The following MRPS2 variants were observed in gnomAD, a reference collection of about 807,000 sequenced individuals.
MRPS2 encodes the protein mitochondrial ribosomal protein S2.
In MRPS2, 13 loss-of-function variants were observed where a neutral mutation model predicts 18.9. The observed-to-expected ratio is 0.69, with a 90% CI of 0.45 to 1.09. The LOEUF is 1.09. Ranked by LOEUF, MRPS2 falls within the 50% of genes least tolerant of loss-of-function variation. MRPS2 has a pLI of 0.00. For synonymous variants in MRPS2, 186 were observed against 178.4 expected, an observed-to-expected ratio of 1.04 and a Z score of -0.34; for missense variants, 389 against 421.7, an observed-to-expected ratio of 0.92 and a Z score of 0.68.
chr9:135,500,103 CA>C, upstream of MRPS2: 1 of 502,432 alleles, frequency 2.0e-6, no homozygotes, highest in Non-Finnish European at 3.5e-6. Flanking sequence ...CGGGCCACCC[CA>C]GCATCAGGGC....
At chr9:135,503,297 C>T (rs781720891) in intron 3 of MRPS2, 34 of 1,393,280 alleles carry the variant, frequency 2.4e-5, no homozygotes, top group Non-Finnish European at 3.0e-5. Flanking sequence ...TATTAGGATT[C>T]CTTCGGGAAG....
intron 3 of MRPS2, 181 bp downstream of exon 3, chr9:135,502,154 A>T (rs757149096): frequency 7.1e-7 from 1 of 1,405,324 alleles, no homozygotes; most frequent in African/African-American, 1.5e-5. Context: ...AGCTTGGCGG[A>T]CGCTCTTGTG....
intron 2 of MRPS2, chr9:135,501,392 C>T (rs1465247858): frequency 3.4e-5 from 44 of 1,284,276 alleles, no homozygotes; most frequent in Admixed American, 7.5e-5. Flanking sequence ...GTCACTGGAC[C>T]ACCGAGGCCC....
chr9:135,503,681 C>T lies in MRPS2; in HGVS notation c.439C>T (p.Arg147Cys), dbSNP rs1334381259. ...YRKGIILFISRNRQFSYLIEN... is the reference protein window; with the variant it reads ...YRKGIILFISCNRQFSYLIEN... ...CAAGGGCATCATCTTGTTTATAAGC[C>T]GCAACCGGCAGTTCTCGTACCTGAT... is the stretch of plus-strand genomic sequence containing the variant. Residue 147 changes from arginine (R) to cysteine (C), a missense_variant, in exon 4 of 4, where the codon CGC becomes TGC. Coordinates refer to ENST00000241600, the MANE Select transcript of MRPS2 (RefSeq NM_016034.5). 5 of 1,613,682 alleles carry T rather than the reference C, an allele frequency of 3.1e-6. No homozygotes were observed. Among genetic ancestry groups the T allele is most frequent in the Non-Finnish European group, 3.4e-6 (4 of 1,180,052 alleles).
intron 3 of MRPS2, chr9:135,502,204 C>T (rs1246898467): frequency 1.1e-5 from 15 of 1,352,126 alleles, no homozygotes; most frequent in Non-Finnish European, 1.3e-5. Context: ...TAGGGCAGGC[C>T]TGCTGGGGGT....
chr9:135,500,861 C>T (rs1831095829), intron 1 of MRPS2, 108 bp downstream of exon 1: 4 of 1,508,768 alleles, frequency 2.7e-6, no homozygotes, highest in Non-Finnish European at 2.7e-6. Context: ...GGGGCGAGCG[C>T]GGAGGGGACT....
chr9:135,500,014 A>G, upstream of MRPS2: 1 of 818,012 alleles, frequency 1.2e-6, no homozygotes, highest in Non-Finnish European at 1.8e-6. Context: ...AAGGGCCGGG[A>G]AGGTCGGGAC....
chr9:135,504,010 C>T lies in MRPS2; in HGVS notation c.768C>T (p.Ala256=). 1.1e-5 allele frequency: 18 copies of T among 1,613,498 alleles called. No homozygotes were observed. The highest frequency in any genetic ancestry group is 1.5e-5 in the Non-Finnish European group (18 of 1,180,036). The change falls in exon 4 of 4, where the codon GCC becomes GCT. Residue 256 remains alanine (A), a synonymous_variant. Transcript: ENST00000241600. This position sits in a 1 kb window ranked among gnomAD's most constrained non-coding sequence, Gnocchi z 4.3. ...VHLYCRLFQT[A]ITRAKEKRQQ... ...TCTACTGCAGGCTCTTCCAGACGGCCATCACCCGGGCCAAGGAGAAGCGGC... is the reference window on the plus strand; with the variant it reads ...TCTACTGCAGGCTCTTCCAGACGGCTATCACCCGGGCCAAGGAGAAGCGGC...
At position 135,503,726 on chromosome 9, in the gene MRPS2, T is replaced by C; in HGVS notation, c.484T>C (p.Cys162Arg). Residue 162 changes from cysteine to arginine, a missense_variant, in exon 4 of 4, where the codon TGT (cysteine) becomes CGT (arginine). Cys to Arg is a radical substitution (Grantham distance 180, BLOSUM62 -3). Coordinates refer to ENST00000241600, the MANE Select transcript of MRPS2 (RefSeq NM_016034.5). ...CCTGATTGAGAACATGGCCCGTGAC[T>C]GTGGCGAGTACGCCCACACTCGCTA... is the stretch of plus-strand genomic sequence containing the variant. ...SYLIENMARD[C>R]GEYAHTRYFR... 1 of 1,613,396 alleles carries C rather than the reference T, an allele frequency of 6.2e-7. No homozygotes were observed. Among genetic ancestry groups the C allele is most frequent in the Non-Finnish European group, 8.5e-7 (1 of 1,180,018 alleles).
upstream of MRPS2, chr9:135,500,121 T>C (rs965449135): frequency 6.5e-6 from 3 of 459,288 alleles, no homozygotes; most frequent in South Asian, 1.0e-4. Flanking sequence ...GGGCGTGGAC[T>C]CCCGGGCGAA....
chr9:135,502,027 C>T, intron 3 of MRPS2, 54 bp downstream of exon 3: 1 of 1,610,598 alleles, frequency 6.2e-7, no homozygotes, highest in East Asian at 2.2e-5. Context: ...AACCTGGGAC[C>T]TGCTCTGGTT....
intron 2 of MRPS2, 168 bp downstream of exon 2, chr9:135,501,291 A>G (rs1344279675): frequency 1.4e-6 from 2 of 1,422,892 alleles, no homozygotes; most frequent in South Asian, 1.5e-5. Context: ...CTGACGTAGC[A>G]CAGCGGGCTG....
rs1374686652 is a variant in MRPS2 at position 135,500,715 on chromosome 9, C to T, written c.5C>T (p.Ala2Val). Residue 2 changes from alanine to valine, a missense_variant, in exon 1 of 4, where the codon GCG becomes GTG. Coordinates refer to ENST00000241600, the MANE Select transcript of MRPS2 (RefSeq NM_016034.5). The part of the protein sequence containing the change: M[A>V]TSSAALPRIL... ...GCTCTGCCCCGCGTCCCAGCCATGG[C>T]GACATCCTCGGCCGCGCTGCCCCGA... The T allele has an allele frequency of 2.7e-6, 4 of 1,478,684 alleles. No individual in the cohort carries two copies. The highest frequency in any genetic ancestry group is 5.3e-5 in the East Asian group (2 of 37,544). The allele number at this position is 1,478,684 out of a possible 1,614,324, so 91.6% of individuals were successfully genotyped here.
chr9:135,503,114 T>C (rs1831189487), intron 3 of MRPS2: 2 of 1,028,042 alleles, frequency 1.9e-6, no homozygotes, highest in African/African-American at 1.7e-5. Context: ...CCTGCCCTGA[T>C]CCCTTAATGC....
In MRPS2 at chr9:135,504,183, G is replaced by A. The variant is rs1332087364; in HGVS notation, c.*50G>A. ...CCACAGCCAAGCCTGTCTGAGCTGG[G>A]AGTCCCCTTCCCCAGCCCTGGGTCA... On this transcript the variant is annotated 3_prime_UTR_variant, in exon 4 of 4. Coordinates refer to ENST00000241600, the MANE Select transcript of MRPS2 (RefSeq NM_016034.5). The surrounding 1 kb of genome is among the most constrained non-coding windows in gnomAD (Gnocchi z 4.3). 1 of 1,478,718 alleles carries A rather than the reference G, an allele frequency of 6.8e-7. No individual in the cohort carries two copies. Among genetic ancestry groups the A allele is most frequent in the South Asian group, 1.3e-5 (1 of 74,840 alleles). The allele number at this position is 1,478,718 out of a possible 1,614,324, so 91.6% of individuals were successfully genotyped here. A position where few individuals can be genotyped will look rare whatever the true frequency, so the allele number is the denominator to read the frequency against.
chr9:135,503,240 C>T (rs758508354), intron 3 of MRPS2: 1 of 1,241,906 alleles, frequency 8.1e-7, no homozygotes, highest in Non-Finnish European at 1.0e-6. Context: ...GCAGAATGTC[C>T]TTTTGGCGTC....
At chr9:135,503,453 CCCT>C in intron 3 of MRPS2, 86 bp from the exon 4 acceptor site, 2 of 1,431,954 alleles carry the variant, frequency 1.4e-6, no homozygotes, top group Non-Finnish European at 1.9e-6. Context: ...GCCCGGGAGT[CCCT>C]GGTGGGCGTC....
At position 135,501,852 on chromosome 9, in the gene MRPS2, G is replaced by A. The variant is rs1831151252; in HGVS notation, c.178G>A (p.Asp60Asn). ...CCTCCTCCCTGCCGTAGATTTCAAC[G>A]ACAAGATTTTGAATGAGCCCCTCAA... ...RESEDSTDFN[D>N]KILNEPLKHS... The change falls in exon 3 of 4, where the codon GAC becomes AAC. Residue 60 changes from aspartate to asparagine, a missense_variant. Transcript: ENST00000241600. 6.2e-7 allele frequency: 1 copy of A among 1,613,540 alleles called. No homozygotes were observed. Among genetic ancestry groups the A allele is most frequent in the Non-Finnish European group, 8.5e-7 (1 of 1,179,886 alleles).
At chr9:135,501,579 C>T (rs1831136961) in intron 2 of MRPS2, 2 of 1,168,328 alleles carry the variant, frequency 1.7e-6, no homozygotes, top group Admixed American at 3.7e-5. Flanking sequence ...TCTCCTCTGT[C>T]TTCCAAGTAA....
Sources: allele counts gnomAD v4.1 joint callset, GRCh38; gene constraint gnomAD v4.1.1; non-coding constraint Gnocchi (gnomAD v3.1); transcripts MANE v1.5; gene names NCBI Gene and HGNC (gene_info 2026-07-23, HGNC 2026-07-21).